The following ZNF316 variants were observed in gnomAD, a reference collection of about 807,000 sequenced individuals.
The protein encoded by ZNF316 is zinc finger protein 316.
In ZNF316, 23 loss-of-function variants were observed where a neutral mutation model predicts 75.6. That is an observed-to-expected ratio of 0.30 (90% CI 0.22 to 0.43). The LOEUF (loss-of-function observed/expected upper bound fraction) is 0.43, where lower values mean the gene tolerates loss of function less well. Ranked by LOEUF, ZNF316 falls within the 20% of genes least tolerant of loss-of-function variation. The pLI is 1.00. For synonymous variants in ZNF316, 827 were observed against 666.2 expected (o/e 1.24, Z -3.72); for missense variants, 1,266 against 1,409.4 (o/e 0.90, Z 1.63).
In ZNF316 at chr7:6,653,638, CGGCCGCGCT is replaced by C. The variant is rs1340759155; in HGVS notation, c.2046_2054del (p.Ala683_Ala685del). ...GGGGGTCTGCTGGCGGAGCCCGCGC[CGGCCGCGCT>C]GGCGGAGGAGGAGAGCCCGTGGATC... is the stretch of plus-strand genomic sequence containing the variant. On this transcript the variant is annotated inframe_deletion, in exon 9 of 9. Transcript: ENST00000382252. 4.7e-6 allele frequency: 5 copies of C among 1,064,718 alleles called. No homozygotes were observed. Among genetic ancestry groups the C allele is most frequent in the Non-Finnish European group, 5.7e-6 (5 of 879,702 alleles). The allele number at this position is 1,064,718 out of a possible 1,614,324, so 66.0% of individuals were successfully genotyped here.
chr7:6,647,715 G>A (rs900766907), intron 8 of ZNF316, among the ~76,000 whole-genome samples: 5 of 152,254 alleles, frequency 3.3e-5, no homozygotes, highest in South Asian at 2.1e-4. Flanking sequence ...TCCAGACTCC[G>A]AGATGGGCAG....
chr7:6,638,462 C>T (rs982252429), intron 2 of ZNF316, among the ~76,000 whole-genome samples: 3 of 152,212 alleles, frequency 2.0e-5, no homozygotes, highest in Admixed American at 1.3e-4. Flanking sequence ...ATCTCCCGCT[C>T]TCTGAGTTGG....
In ZNF316 at chr7:6,637,437, C is replaced by T. The variant is rs1160375140; in HGVS notation, c.-441C>T. ...TGTCCGGCCCGTGGCTCGGCCAGCC[C>T]GGCCCGCGCGGTGAGTGGGTCTCGC... is the stretch of plus-strand genomic sequence containing the variant. On this transcript the variant is annotated 5_prime_UTR_variant, in exon 1 of 9. Coordinates refer to ENST00000382252, the MANE Select transcript of ZNF316 (RefSeq NM_001278559.2). This position sits in a 1 kb window ranked among gnomAD's most constrained non-coding sequence, Gnocchi z 6.2. The T allele has an allele frequency of 6.8e-6, 1 of 146,648 alleles. No homozygotes were observed. The highest frequency in any genetic ancestry group is 2.4e-5 in the African/African-American group (1 of 40,850). The allele number at this position is 146,648 out of a possible 1,614,324, so 9.1% of individuals were successfully genotyped here. A position where few individuals can be genotyped will look rare whatever the true frequency, so the allele number is the denominator to read the frequency against.
In ZNF316 at chr7:6,643,007, C is replaced by A; in HGVS notation, c.399C>A (p.Asp133Glu). 3 of 1,233,756 alleles carry A rather than the reference C, an allele frequency of 2.4e-6. No homozygotes were observed. The highest frequency in any genetic ancestry group is 3.0e-6 in the Non-Finnish European group (3 of 989,458). 76.4% of individuals were successfully genotyped at this position (1,233,756 alleles called of 1,614,324 possible). Residue 133 changes from aspartate (D) to glutamate (E), a missense_variant, in exon 6 of 9, where the codon GAC becomes GAA. Around this residue, in one of 3 missense-constraint regions of ZNF316, gnomAD observed 961 missense variants for 990.9 expected, o/e 0.97. Coordinates refer to ENST00000382252, the MANE Select transcript of ZNF316 (RefSeq NM_001278559.2). The part of the protein sequence containing the change: ...SRAPATPRDE[D>E]LEEEEEEEED... ...CTCCAGCCACTCCTAGGGATGAGGA[C>A]CTGGAGGAGGAGGAAGAGGAGGAGG...
rs570180323 is a variant in ZNF316 at position 6,640,038 on chromosome 7, G to A, written c.-167+897G>A. On this transcript the variant is annotated intron_variant, in intron 3 of 8. Coordinates refer to ENST00000382252, the MANE Select transcript of ZNF316 (RefSeq NM_001278559.2). This position sits in a 1 kb window ranked among gnomAD's most constrained non-coding sequence, Gnocchi z 5.1. ...CTAGAAAGGGGGCTGGAGCCAGTCA[G>A]GGGGCACGTGTGACCTTCGGGACAG... Among the ~76,000 whole-genome samples the A allele has an allele frequency of 2.0e-5, 3 of 152,292 alleles. No homozygotes were observed. The South Asian group carries it at 6.2e-4, about 32-fold the overall frequency.
At position 6,642,589 on chromosome 7, in the gene ZNF316, G is replaced by GGCAGAGGTAGTGCAGGAT; in HGVS notation, c.183_200dup (p.Glu62_Ala67dup). ...TGGTGGAGGAGGAGGAGGAGGGTGTGGCAGAGGTAGTGCAGGATGCGCAGG... is the reference window on the plus strand; with the variant it reads ...TGGTGGAGGAGGAGGAGGAGGGTGTGGCAGAGGTAGTGCAGGATGCAGAGGTAGTGCAGGATGCGCAGG... On this transcript the variant is annotated inframe_insertion, in exon 5 of 9. Coordinates refer to ENST00000382252, the MANE Select transcript of ZNF316 (RefSeq NM_001278559.2). The surrounding 1 kb of genome is among the most constrained non-coding windows in gnomAD (Gnocchi z 8.1). 8.2e-7 allele frequency: 1 copy of GGCAGAGGTAGTGCAGGAT among 1,219,452 alleles called. No homozygotes were observed. The highest frequency in any genetic ancestry group is 1.0e-6 in the Non-Finnish European group (1 of 975,308). The allele number at this position is 1,219,452 out of a possible 1,614,324, so 75.5% of individuals were successfully genotyped here.
rs973400058 is a variant in ZNF316, at chr7:6,637,930, C to G, written c.-346C>G. ...TCGCCCCAGGAGCCCGCTTTGTGAC[C>G]TTGGGGGCCTTATCCGGGCTTTCCC... On this transcript the variant is annotated 5_prime_UTR_variant, in exon 2 of 9. Coordinates refer to ENST00000382252, the MANE Select transcript of ZNF316 (RefSeq NM_001278559.2). The surrounding 1 kb of genome is among the most constrained non-coding windows in gnomAD (Gnocchi z 6.2). The G allele has an allele frequency of 6.6e-6, 1 of 152,256 alleles. No individual in the cohort carries two copies. Among genetic ancestry groups the G allele is most frequent in the African/African-American group, 2.4e-5 (1 of 41,464 alleles). The allele number at this position is 152,256 out of a possible 1,614,324, so 9.4% of individuals were successfully genotyped here.
chr7:6,638,205 G>T (rs1779251039), intron 2 of ZNF316, among the ~76,000 whole-genome samples, 196 bp downstream of exon 2: 1 of 152,226 alleles, frequency 6.6e-6, no homozygotes, highest in Non-Finnish European at 1.5e-5. Context: ...AGTGTGGGCA[G>T]GTCTGGGGGC....
rs1779530855 is a variant in ZNF316, at chr7:6,652,649, C to G, written c.1053C>G (p.Gly351=). ...CGGAGACCACGTGCGACGTGTGCGG[C>G]AAGGTCTTCCCGCACCGCTCGCGGC... ...GRPETTCDVC[G]KVFPHRSRLA... is the part of the protein sequence containing the mutation. Residue 351 remains glycine (G), a synonymous_variant, in exon 9 of 9, where the codon GGC becomes GGG. Coordinates refer to ENST00000382252, the MANE Select transcript of ZNF316 (RefSeq NM_001278559.2). 1 of 1,231,074 alleles carries G rather than the reference C, an allele frequency of 8.1e-7. No homozygotes were observed. Among genetic ancestry groups the G allele is most frequent in the East Asian group, 3.2e-5 (1 of 31,634 alleles). The allele number at this position is 1,231,074 out of a possible 1,614,324, so 76.3% of individuals were successfully genotyped here.
rs895642693 is a variant in ZNF316, at chr7:6,654,715, C to T, written c.*104C>T. Reference sequence around the variant, plus strand: ...CCCCGGGAGGCTGAGGGTCCCAGTCCTGGGTGCGGTGCCTTCCCTCAGCCC... The same window carrying T: ...CCCCGGGAGGCTGAGGGTCCCAGTCTTGGGTGCGGTGCCTTCCCTCAGCCC... On this transcript the variant is annotated 3_prime_UTR_variant, in exon 9 of 9. Transcript: ENST00000382252. 5.0e-6 allele frequency: 5 copies of T among 1,008,096 alleles called. No individual in the cohort carries two copies. The highest frequency in any genetic ancestry group is 6.1e-6 in the Non-Finnish European group (5 of 813,048). The allele number at this position is 1,008,096 out of a possible 1,614,324, so 62.4% of individuals were successfully genotyped here.
intron 8 of ZNF316, among the ~76,000 whole-genome samples, chr7:6,650,415 T>C (rs1779487316): frequency 6.6e-6 from 1 of 152,206 alleles, no homozygotes; most frequent in African/African-American, 2.4e-5. Context: ...TATCATGAAA[T>C]GTGAAAGATG....
chr7:6,639,752 C>T lies in ZNF316; in HGVS notation c.-167+611C>T, dbSNP rs1779279985. Among the ~76,000 whole-genome samples the T allele has an allele frequency of 6.6e-6, 1 of 152,280 alleles. No homozygotes were observed. Among genetic ancestry groups the T allele is most frequent in the African/African-American group, 2.4e-5 (1 of 41,530 alleles). On this transcript the variant is annotated intron_variant, in intron 3 of 8. Transcript: ENST00000382252. The surrounding 1 kb of genome is among the most constrained non-coding windows in gnomAD (Gnocchi z 4.2). Reference sequence around the variant, plus strand: ...GGCCTGAGGCTTGAAAGAGAAAAGCCCTCCTCTGGGCCTCAAGTGGGTGGC... The same window carrying T: ...GGCCTGAGGCTTGAAAGAGAAAAGCTCTCCTCTGGGCCTCAAGTGGGTGGC...
chr7:6,652,257 C>A, intron 8 of ZNF316, 46 bp from the exon 9 acceptor site: 2 of 1,232,038 alleles, frequency 1.6e-6, no homozygotes, highest in Non-Finnish European at 1.0e-6. Flanking sequence ...AGGCTCCTGT[C>A]AAGTTCACTT....
At chr7:6,644,272 T>C (rs1779359553) in intron 7 of ZNF316, among the ~76,000 whole-genome samples, 1 of 150,962 alleles carries the variant, frequency 6.6e-6, no homozygotes, top group Non-Finnish European at 1.5e-5. Context: ...GGTGAAGGTG[T>C]TGGGGGGGCT....
At chr7:6,641,202 C>T (rs1779306188) in intron 3 of ZNF316, among the ~76,000 whole-genome samples, 1 of 152,220 alleles carries the variant, frequency 6.6e-6, no homozygotes, top group Admixed American at 6.5e-5. Flanking sequence ...GTCCACTGCT[C>T]GAGCTGGATG....
rs2115324337 is a variant in ZNF316, at chr7:6,655,812, CAG to C, written c.*1202_*1203del. 1 of 152,312 alleles carries C rather than the reference CAG, an allele frequency of 6.6e-6. No individual in the cohort carries two copies. Among genetic ancestry groups the C allele is most frequent in the East Asian group, 1.9e-4 (1 of 5,152 alleles). The allele number at this position is 152,312 out of a possible 1,614,324, so 9.4% of individuals were successfully genotyped here. The stretch of plus-strand genomic sequence containing the variant: ...GGGGGTGTGGACCTGAGCCGTGGCT[CAG>C]TGACAAACCAGGCACCCAACTATGC... On this transcript the variant is annotated 3_prime_UTR_variant, in exon 9 of 9. Transcript: ENST00000382252.
Position 6,644,476 on chromosome 7 carries a change from G to A in ZNF316, c.593-4G>A, listed in dbSNP as rs1488490667. 2 of 1,231,718 alleles carry A rather than the reference G, an allele frequency of 1.6e-6. No homozygotes were observed. Among genetic ancestry groups the A allele is most frequent in the Non-Finnish European group, 2.0e-6 (2 of 987,670 alleles). The allele number at this position is 1,231,718 out of a possible 1,614,324, so 76.3% of individuals were successfully genotyped here. A position where few individuals can be genotyped will look rare whatever the true frequency, so the allele number is the denominator to read the frequency against. ...CCTGCAGCCGCCGTCTGTTCTCCTG[G>A]CAGGATACCCAATTCCCAAGCCCGA... is the stretch of plus-strand genomic sequence containing the variant. On this transcript the variant is annotated splice_polypyrimidine_tract_variant and splice_region_variant and intron_variant, in intron 7 of 8. Transcript: ENST00000382252.
intron 8 of ZNF316, 80 bp downstream of exon 8, chr7:6,644,673 C>G (rs1385699931): frequency 8.3e-6 from 6 of 719,496 alleles, no homozygotes; most frequent in Non-Finnish European, 9.6e-6. Context: ...ACTGCGCTCT[C>G]TGCAGACCTG....
intron 6 of ZNF316, among the ~76,000 whole-genome samples, chr7:6,643,301 T>C (rs1779343775): frequency 6.6e-6 from 1 of 152,148 alleles, no homozygotes; most frequent in South Asian, 2.1e-4. Context: ...CTGATTGCTT[T>C]GGCTGCCACC....
Sources: allele counts gnomAD v4.1 joint callset (sites outside exome capture counted in the v4.1 genomes callset), GRCh38; gene constraint gnomAD v4.1.1; regional missense constraint gnomAD v4.1.1; non-coding constraint Gnocchi (gnomAD v3.1); transcripts MANE v1.5; gene names NCBI Gene and HGNC (gene_info 2026-07-23, HGNC 2026-07-21).